PDE4D: variants seen among roughly 807,000 people sequenced by gnomAD.
The protein encoded by PDE4D is phosphodiesterase 4D, also known as 3',5'-cyclic-AMP phosphodiesterase 4D.
PDE4D carries 24 observed loss-of-function variants against 87.4 expected under a neutral mutation model. That is an observed-to-expected ratio of 0.27 (90% CI 0.20 to 0.39). PDE4D has a LOEUF of 0.39. Ranked by LOEUF, PDE4D falls within the 10% of genes least tolerant of loss-of-function variation. The pLI, the probability that PDE4D is intolerant of heterozygous loss-of-function variation, is 1.00. For synonymous variants in PDE4D, 384 were observed against 383.2 expected, an observed-to-expected ratio of 1.00 and a Z score of -0.02; for missense variants, 714 against 1,041.0, an observed-to-expected ratio of 0.69 and a Z score of 4.32.
intron 5 of PDE4D, among the ~76,000 whole-genome samples, chr5:59,166,880 T>C (rs556335800): frequency 3.3e-5 from 5 of 152,352 alleles, no homozygotes; most frequent in African/African-American, 1.2e-4. Flanking sequence ...ACTTCCAAAA[T>C]GCTTTCAGCA....
intron 1 of PDE4D, among the ~76,000 whole-genome samples, chr5:60,286,042 T>C (rs182688426): frequency 6.6e-6 from 1 of 152,210 alleles, no homozygotes; most frequent in Non-Finnish European, 1.5e-5. Context: ...GAAGACATTT[T>C]GATTGGACAA....
At chr5:60,035,889 C>T (rs1383045944) in intron 2 of PDE4D, among the ~76,000 whole-genome samples, 2 of 152,176 alleles carry the variant, frequency 1.3e-5, no homozygotes, top group Non-Finnish European at 2.9e-5. Flanking sequence ...CTTGCCATTC[C>T]TTTGCTACTA....
intron 2 of PDE4D, among the ~76,000 whole-genome samples, chr5:60,072,168 G>T (rs1772795559): frequency 6.6e-6 from 1 of 151,940 alleles, no homozygotes; most frequent in Non-Finnish European, 1.5e-5. Context: ...TTCTCCACAA[G>T]CTCACCAGTA....
intron 1 of PDE4D, among the ~76,000 whole-genome samples, chr5:60,200,630 AC>A: frequency 6.6e-6 from 1 of 152,294 alleles, no homozygotes; most frequent in South Asian, 2.1e-4. Context: ...AGTATGCCAG[AC>A]TTCCAGTATA....
chr5:59,410,616 G>T, intron 1 of PDE4D, among the ~76,000 whole-genome samples: 1 of 151,918 alleles, frequency 6.6e-6, no homozygotes, highest in Non-Finnish European at 1.5e-5. Flanking sequence ...TCTGTACCTG[G>T]CTTATTTAAC....
intron 3 of PDE4D, among the ~76,000 whole-genome samples, chr5:59,190,465 A>T (rs79686191): frequency 0.071 from 10,793 of 152,118 alleles, 527 homozygotes; most frequent in Middle Eastern, 0.12. Flanking sequence ...AAAGAGGGTA[A>T]TTCTTTGGCC....
intron 1 of PDE4D, among the ~76,000 whole-genome samples, chr5:59,725,825 G>T (rs1004198523): frequency 6.6e-6 from 1 of 151,478 alleles, no homozygotes; most frequent in Non-Finnish European, 1.5e-5. Flanking sequence ...AAAGTTAGTT[G>T]TTTTTTTTCA....
At chr5:60,458,386 C>CAAAAAAAAAAAAAAA (rs61006284) in intron 1 of PDE4D, among the ~76,000 whole-genome samples, 16 of 75,182 alleles carry the variant, frequency 2.1e-4, no homozygotes, top group African/African-American at 3.9e-4. Context: ...GACTTCATTG[C>CAAAAAAAAAAAAAAA]AAAAAAAAAA....
At chr5:60,496,557 C>T (rs893231174) in intron 1 of PDE4D, among the ~76,000 whole-genome samples, 7 of 152,008 alleles carry the variant, frequency 4.6e-5, no homozygotes, top group African/African-American at 1.5e-4. Context: ...AGGAACACAG[C>T]TGTTTGTACT....
chr5:60,506,547 G>A (rs1006395516), intron 1 of PDE4D, among the ~76,000 whole-genome samples: 1 of 152,006 alleles, frequency 6.6e-6, no homozygotes, highest in Non-Finnish European at 1.5e-5. Flanking sequence ...ATTCTGAGCA[G>A]AGGAGAAAAA....
At chr5:59,392,121 G>C (rs968885892) in intron 1 of PDE4D, among the ~76,000 whole-genome samples, 3 of 151,976 alleles carry the variant, frequency 2.0e-5, no homozygotes, top group African/African-American at 7.2e-5. Context: ...TGATAATCCT[G>C]AGTGTGAACT....
intron 1 of PDE4D, among the ~76,000 whole-genome samples, chr5:60,403,416 G>C (rs2054189071): frequency 6.6e-6 from 1 of 152,214 alleles, no homozygotes; most frequent in African/African-American, 2.4e-5. Flanking sequence ...AGAATGTTTT[G>C]TAGATGTGAC....
intron 1 of PDE4D, among the ~76,000 whole-genome samples, chr5:59,300,205 G>T (rs796808121): frequency 6.6e-6 from 1 of 150,892 alleles, no homozygotes; most frequent in Non-Finnish European, 1.5e-5. Flanking sequence ...TATTTCATGT[G>T]TGTATTAAGA....
At chr5:59,708,454 A>C (rs1291492419) in intron 1 of PDE4D, among the ~76,000 whole-genome samples, 2 of 152,178 alleles carry the variant, frequency 1.3e-5, no homozygotes, top group Non-Finnish European at 2.9e-5. Flanking sequence ...AATCAAACAG[A>C]CATAATAAAA....
At chr5:59,039,435 C>G in intron 5 of PDE4D, 1 of 992,436 alleles carries the variant, frequency 1.0e-6, no homozygotes, top group Non-Finnish European at 1.2e-6. Context: ...CGCGGCCCCA[C>G]GCCCGCCCCG....
chr5:59,441,605 C>T (rs546421254), intron 1 of PDE4D, among the ~76,000 whole-genome samples: 2 of 152,244 alleles, frequency 1.3e-5, no homozygotes, highest in South Asian at 2.1e-4. Flanking sequence ...AATCCCACAC[C>T]CCAGGTGTGA....
intron 3 of PDE4D, among the ~76,000 whole-genome samples, chr5:59,957,262 G>C (rs1268404935): frequency 6.6e-6 from 1 of 151,800 alleles, no homozygotes; most frequent in East Asian, 1.9e-4. Context: ...GTTGTGCTTT[G>C]CTTTTGAATA....
At chr5:60,412,852 C>G (rs932647271) in intron 1 of PDE4D, among the ~76,000 whole-genome samples, 2 of 151,992 alleles carry the variant, frequency 1.3e-5, no homozygotes, top group Non-Finnish European at 2.9e-5. Context: ...TTCCTATAAC[C>G]CTTACAACAA....
At chr5:59,372,847 G>A (rs1582216321) in intron 1 of PDE4D, among the ~76,000 whole-genome samples, 1 of 152,180 alleles carries the variant, frequency 6.6e-6, no homozygotes, top group Admixed American at 6.5e-5. Context: ...TGAAGAATGA[G>A]AAGACAAAGT....
Sources: allele counts gnomAD v4.1 joint callset (sites outside exome capture counted in the v4.1 genomes callset), GRCh38; gene constraint gnomAD v4.1.1; transcripts MANE v1.5; gene names NCBI Gene and HGNC (gene_info 2026-07-23, HGNC 2026-07-21).